The following SLC1A4 variants were observed in gnomAD, a reference collection of about 807,000 sequenced individuals.
SLC1A4 encodes solute carrier family 1 member 4.
Under a neutral mutation model 37.7 loss-of-function variants are expected in SLC1A4, and 19 were observed. The observed-to-expected ratio is 0.50, with a 90% CI of 0.35 to 0.74. The LOEUF (loss-of-function observed/expected upper bound fraction) is 0.74. SLC1A4 is among the 30% of genes least tolerant of loss of function. The probability of loss-of-function intolerance (pLI) is 0.01; values close to 1 mark genes in which losing one functional copy is unlikely to be tolerated. For missense variants in SLC1A4, 570 were observed against 712.9 expected, an observed-to-expected ratio of 0.80 and a Z score of 2.28; for synonymous variants, 299 against 309.8, an observed-to-expected ratio of 0.97 and a Z score of 0.37.
intron 1 of SLC1A4, among the ~76,000 whole-genome samples, chr2:64,991,402 AC>A: frequency 6.8e-6 from 1 of 147,534 alleles, no homozygotes; most frequent in Non-Finnish European, 1.5e-5. Context: ...GCCTATTAGG[AC>A]TTTTAAGGGG....
At position 64,989,680 on chromosome 2, in the gene SLC1A4, A is replaced by C; in HGVS notation, c.37A>C (p.Ser13Arg). ...KSNETNGYLDSAQAGPAAGPG... is the reference protein window; with the variant it reads ...KSNETNGYLDRAQAGPAAGPG... ...CAACGAGACCAACGGCTACCTTGAC[A>C]GCGCTCAGGCGGGGCCTGCGGCCGG... Residue 13 changes from serine to arginine, a missense_variant, in exon 1 of 8, where the codon AGC (serine) becomes CGC (arginine). Coordinates refer to ENST00000234256, the MANE Select transcript of SLC1A4 (RefSeq NM_003038.5). 1 of 1,542,880 alleles carries C rather than the reference A, an allele frequency of 6.5e-7. No individual in the cohort carries two copies. Among genetic ancestry groups the C allele is most frequent in the Non-Finnish European group, 8.7e-7 (1 of 1,150,778 alleles).
In SLC1A4 at chr2:65,023,127, G is replaced by C. The variant is rs1387577459; in HGVS notation, c.*1981G>C. On this transcript the variant is annotated 3_prime_UTR_variant, in exon 8 of 8. Coordinates refer to ENST00000234256, the MANE Select transcript of SLC1A4 (RefSeq NM_003038.5). ...CAAAAGGGACCAGGAACCGTGCAAA[G>C]GAAACTGGAAACTTTTCCCCGCTGG... 2 of 152,206 alleles carry C rather than the reference G, an allele frequency of 1.3e-5. No homozygotes were observed. The highest frequency in any genetic ancestry group is 2.9e-5 in the Non-Finnish European group (2 of 68,036). The allele number at this position is 152,206 out of a possible 1,614,324, so 9.4% of individuals were successfully genotyped here.
intron 1 of SLC1A4, chr2:64,994,653 G>A (rs979647548): frequency 4.0e-5 from 6 of 151,832 alleles, no homozygotes; most frequent in African/African-American, 1.2e-4. Context: ...GTGTGAATAT[G>A]TATGATGCTT....
rs1486191404 is a variant in SLC1A4, at chr2:64,989,897, T to C, written c.254T>C (p.Met85Thr). 1 of 1,552,834 alleles carries C rather than the reference T, an allele frequency of 6.4e-7. No individual in the cohort carries two copies. The highest frequency in any genetic ancestry group is 8.7e-7 in the Non-Finnish European group (1 of 1,152,514). Reference protein sequence around the residue: ...LAFPGEMLLRMLRMIILPLVV... With the variant: ...LAFPGEMLLRTLRMIILPLVV... ...TTCCCCGGCGAGATGCTGCTCCGCA[T>C]GCTGCGCATGATCATCCTGCCGCTG... Residue 85 changes from methionine (M) to threonine (T), a missense_variant, in exon 1 of 8, where the codon ATG becomes ACG. Met to Thr is a moderately conservative substitution (Grantham distance 81). Transcript: ENST00000234256.
intron 2 of SLC1A4, 118 bp from the exon 3 acceptor site, chr2:65,003,835 C>T (rs762913862): frequency 2.7e-6 from 2 of 735,174 alleles, no homozygotes; most frequent in Non-Finnish European, 4.7e-6. Flanking sequence ...GAGGAATGCC[C>T]AGGACACTCA....
intron 1 of SLC1A4, among the ~76,000 whole-genome samples, chr2:64,998,812 A>G (rs1465193847): frequency 1.3e-5 from 2 of 152,346 alleles, no homozygotes; most frequent in Admixed American, 6.5e-5. Flanking sequence ...GCTTGTACCA[A>G]TTGAGGAAAC....
rs545999408 is a variant in SLC1A4, at chr2:65,023,575, G to A, written c.*2429G>A. On this transcript the variant is annotated 3_prime_UTR_variant, in exon 8 of 8. Transcript: ENST00000234256. ...TGCAGTAAGAAGCGTGTCTGGGTCT[G>A]GAGAAGGGTGCTTCCGAGAGTGTGC... The A allele has an allele frequency of 6.5e-6, 1 of 152,732 alleles. No individual in the cohort carries two copies. Among genetic ancestry groups the A allele is most frequent in the African/African-American group, 2.4e-5 (1 of 41,566 alleles). The allele number at this position is 152,732 out of a possible 1,614,324, so 9.5% of individuals were successfully genotyped here. A position where few individuals can be genotyped will look rare whatever the true frequency, so the allele number is the denominator to read the frequency against.
rs1343734642 is a variant in SLC1A4, at chr2:65,023,298, CAT to C, written c.*2155_*2156del. On this transcript the variant is annotated 3_prime_UTR_variant, in exon 8 of 8. Coordinates refer to ENST00000234256, the MANE Select transcript of SLC1A4 (RefSeq NM_003038.5). ...TATATATATACACAACACACACACA[CAT>C]ATGTATATCTATACACACATGTGTG... 2.7e-5 allele frequency: 4 copies of C among 148,396 alleles called. No individual in the cohort carries two copies. The highest frequency in any genetic ancestry group is 7.7e-5 in the African/African-American group (3 of 39,122). The allele number at this position is 148,396 out of a possible 1,614,324, so 9.2% of individuals were successfully genotyped here. A position where few individuals can be genotyped will look rare whatever the true frequency, so the allele number is the denominator to read the frequency against.
Position 65,010,639 on chromosome 2 carries a change from T to C in SLC1A4, c.676T>C (p.Leu226=), listed in dbSNP as rs767434922. ...TEIEGMNILG[L]VLFALVLGVA... ...GATAGAAGGGATGAACATTTTAGGATTGGTCCTGTTTGCTCTGGTGTTAGG... is the reference window on the plus strand; with the variant it reads ...GATAGAAGGGATGAACATTTTAGGACTGGTCCTGTTTGCTCTGGTGTTAGG... Residue 226 remains leucine (L), a synonymous_variant, in exon 4 of 8, where the codon TTG becomes CTG. Coordinates refer to ENST00000234256, the MANE Select transcript of SLC1A4 (RefSeq NM_003038.5). 28 of 1,613,806 alleles carry C rather than the reference T, an allele frequency of 1.7e-5. No individual in the cohort carries two copies. The highest frequency in any genetic ancestry group is 2.3e-5 in the Non-Finnish European group (27 of 1,179,896).
intron 1 of SLC1A4, among the ~76,000 whole-genome samples, chr2:64,998,083 C>T (rs1333588554): frequency 6.6e-6 from 1 of 151,844 alleles, no homozygotes; most frequent in Non-Finnish European, 1.5e-5. Flanking sequence ...AATACAAAAA[C>T]AAAATTAGCC....
chr2:65,018,472 T>A lies in SLC1A4; in HGVS notation c.1230-73T>A. ...TTTTAGTTTCCAGCCACATTGCAGC[T>A]GCATGGTCTGCATTTCTCTGTGTCC... On this transcript the variant is annotated intron_variant, in intron 6 of 7. Coordinates refer to ENST00000234256, the MANE Select transcript of SLC1A4 (RefSeq NM_003038.5). The surrounding 1 kb of genome is among the most constrained non-coding windows in gnomAD (Gnocchi z 4.3). The A allele has an allele frequency of 1.3e-6, 2 of 1,579,360 alleles. No individual in the cohort carries two copies. Among genetic ancestry groups the A allele is most frequent in the Non-Finnish European group, 1.7e-6 (2 of 1,160,482 alleles).
intron 5 of SLC1A4, among the ~76,000 whole-genome samples, chr2:65,017,009 G>A (rs989439232): frequency 6.6e-6 from 1 of 152,132 alleles, no homozygotes; most frequent in Non-Finnish European, 1.5e-5. Flanking sequence ...GTGGGTTTCT[G>A]TTTCATTTAC....
At chr2:64,989,367 C>G, upstream of SLC1A4, 1 of 320,022 alleles carries the variant, frequency 3.1e-6, no homozygotes, top group Non-Finnish European at 5.7e-6. Context: ...ACTTCCCCGT[C>G]TGCGTCCGCG....
chr2:65,019,815 A>C (rs1674336169), intron 7 of SLC1A4, among the ~76,000 whole-genome samples: 1 of 152,146 alleles, frequency 6.6e-6, no homozygotes. Context: ...GGCATCAAAG[A>C]GGTGCTTGGC....
chr2:65,016,444 G>T lies in SLC1A4; in HGVS notation c.805G>T (p.Val269Leu), dbSNP rs147292530. 6.2e-7 allele frequency: 1 copy of T among 1,613,528 alleles called. No individual in the cohort carries two copies. The highest frequency in any genetic ancestry group is 1.7e-5 in the Admixed American group (1 of 60,016). Residue 269 changes from valine to leucine, a missense_variant, in exon 5 of 8, where the codon GTA becomes TTA. Coordinates refer to ENST00000234256, the MANE Select transcript of SLC1A4 (RefSeq NM_003038.5). ...MVLVSWIMWY[V>L]PVGIMFLVGS... is the part of the protein sequence containing the mutation. Reference sequence around the variant, plus strand: ...TACCCTGTGCTTGTGCCCTAGGTACGTACCTGTGGGCATCATGTTCCTTGT... The same window carrying T: ...TACCCTGTGCTTGTGCCCTAGGTACTTACCTGTGGGCATCATGTTCCTTGT...
At chr2:65,013,778 C>T (rs1173005516) in intron 4 of SLC1A4, among the ~76,000 whole-genome samples, 3 of 152,150 alleles carry the variant, frequency 2.0e-5, no homozygotes, top group Non-Finnish European at 4.4e-5. Context: ...ACTAACTACC[C>T]ACTCCAAAAC....
intron 5 of SLC1A4, among the ~76,000 whole-genome samples, chr2:65,017,723 CACT>C (rs1204562655): frequency 0.022 from 3,316 of 152,262 alleles, 134 homozygotes; most frequent in African/African-American, 0.076. Context: ...GGGAGGGGAA[CACT>C]CAAGAGAGGA....
chr2:65,018,312 G>A lies in SLC1A4; in HGVS notation c.1229+47G>A. The A allele has an allele frequency of 1.3e-6, 2 of 1,580,550 alleles. No homozygotes were observed. Among genetic ancestry groups the A allele is most frequent in the Non-Finnish European group, 1.7e-6 (2 of 1,156,852 alleles). On this transcript the variant is annotated intron_variant, in intron 6 of 7. Transcript: ENST00000234256. The surrounding 1 kb of genome is among the most constrained non-coding windows in gnomAD (Gnocchi z 4.3). ...TGGCTCAAAACTGAAGGCTTTTCTT[G>A]TGATTTCCTTTGAAAAACCAATCTC...
At chr2:65,013,988 G>A (rs768697908) in intron 4 of SLC1A4, among the ~76,000 whole-genome samples, 44 of 152,226 alleles carry the variant, frequency 2.9e-4, no homozygotes, top group Non-Finnish European at 5.1e-4. Flanking sequence ...AAAAACTCAC[G>A]CTGCTAACTC....
Sources: allele counts gnomAD v4.1 joint callset (sites outside exome capture counted in the v4.1 genomes callset), GRCh38; gene constraint gnomAD v4.1.1; non-coding constraint Gnocchi (gnomAD v3.1); transcripts MANE v1.5; gene names NCBI Gene and HGNC (gene_info 2026-07-23, HGNC 2026-07-21).